Variants in FAM167A observed in about 807,000 individuals in gnomAD.
FAM167A encodes family with sequence similarity 167 member A.
A neutral mutation model predicts 14.9 loss-of-function variants in FAM167A; 23 were observed. The ratio of observed to expected loss-of-function variants is 1.55; its 90% CI spans 1.11 to 2.19. The LOEUF is 2.19. Among genes scored for constraint, FAM167A ranks in the 30% most tolerant of loss-of-function variants. The probability of loss-of-function intolerance (pLI) is 0.00; values close to 1 mark genes in which losing one functional copy is unlikely to be tolerated. For missense variants in FAM167A, 401 were observed against 281.5 expected (o/e 1.42, Z -3.04); for synonymous variants, 174 against 117.7 (o/e 1.48, Z -3.10).
At position 11,450,386 on chromosome 8, in the gene FAM167A, G is replaced by A. The variant is rs114518993; in HGVS notation, c.-397-5578C>T. On this transcript the variant is annotated intron_variant, in intron 1 of 2. Transcript: ENST00000284486. Reference sequence around the variant, plus strand: ...ATTAACACATTTAATCCTCACAACAGCCCTATGAATCTGGGGTATCATCAT... The same window carrying A: ...ATTAACACATTTAATCCTCACAACAACCCTATGAATCTGGGGTATCATCAT... Among the ~76,000 whole-genome samples, 290 of 152,326 alleles carry A rather than the reference G, an allele frequency of 1.9e-3. 2 individuals carry two copies. The highest frequency in any genetic ancestry group is 6.7e-3 in the African/African-American group (278 of 41,570).
At chr8:11,430,531 A>C (rs28680779) in intron 2 of FAM167A, among the ~76,000 whole-genome samples, 25,030 of 152,276 alleles carry the variant, frequency 0.16, 2,243 homozygotes, top group Middle Eastern at 0.35. Flanking sequence ...TGCTATTTCA[A>C]ATAGGTGAAC....
intron 1 of FAM167A, among the ~76,000 whole-genome samples, chr8:11,464,788 C>T (rs894167376): frequency 1.3e-5 from 2 of 152,206 alleles, no homozygotes; most frequent in African/African-American, 4.8e-5. Flanking sequence ...GCCTAGAGAA[C>T]ACAGCAGCCA....
rs1327419327 is a variant in FAM167A at position 11,463,224 on chromosome 8, G to C, written c.-398+3402C>G. ...TATCAAACAAATAAACAAAATAGCA[G>C]CAGCCACACAACCAAATTTGGGAAG... On this transcript the variant is annotated intron_variant, in intron 1 of 2. Coordinates refer to ENST00000284486, the MANE Select transcript of FAM167A (RefSeq NM_053279.3). Among the ~76,000 whole-genome samples the C allele has an allele frequency of 2.0e-5, 3 of 152,240 alleles. No homozygotes were observed. In the East Asian group the frequency reaches 5.8e-4, roughly 29 times the overall value.
chr8:11,425,002 T>A (rs1047333005), intron 2 of FAM167A, among the ~76,000 whole-genome samples: 12 of 152,172 alleles, frequency 7.9e-5, no homozygotes, highest in Admixed American at 7.2e-4. Flanking sequence ...GGAGGATGGT[T>A]GCCTCTAGGT....
At chr8:11,457,414 C>A (rs1009468347) in intron 1 of FAM167A, among the ~76,000 whole-genome samples, 2 of 151,904 alleles carry the variant, frequency 1.3e-5, no homozygotes, top group Non-Finnish European at 2.9e-5. Context: ...TCTGCTTGAA[C>A]CTCATCTCCA....
At chr8:11,447,582 G>A (rs1225005233) in intron 1 of FAM167A, among the ~76,000 whole-genome samples, 1 of 152,228 alleles carries the variant, frequency 6.6e-6, no homozygotes, top group Admixed American at 6.5e-5. Flanking sequence ...AGCCCCCAGA[G>A]GCAGGCGGGA....
At chr8:11,438,755 G>A (rs1177058744) in intron 2 of FAM167A, 1 of 348,032 alleles carries the variant, frequency 2.9e-6, no homozygotes, top group South Asian at 2.3e-5. Context: ...CTCCTGCAGG[G>A]CTGGTGCCAG....
chr8:11,449,985 C>A (rs762843995), intron 1 of FAM167A, among the ~76,000 whole-genome samples: 1 of 152,238 alleles, frequency 6.6e-6, no homozygotes, highest in Non-Finnish European at 1.5e-5. Flanking sequence ...CCATCCCCTC[C>A]ACACCTCCTC....
chr8:11,421,728 G>C lies in FAM167A; in HGVS notation c.*2645C>G, dbSNP rs541684321. The C allele has an allele frequency of 7.5e-6, 3 of 399,024 alleles. No individual in the cohort carries two copies. Among genetic ancestry groups the C allele is most frequent in the Non-Finnish European group, 1.3e-5 (3 of 226,094 alleles). 24.7% of individuals were successfully genotyped at this position (399,024 alleles called of 1,614,324 possible). A position where few individuals can be genotyped will look rare whatever the true frequency, so the allele number is the denominator to read the frequency against. On this transcript the variant is annotated 3_prime_UTR_variant, in exon 3 of 3. Coordinates refer to ENST00000284486, the MANE Select transcript of FAM167A (RefSeq NM_053279.3). ...AGACATGACCACGCATGGCAGTGTC[G>C]GTGGAGAGTTTGCGTTTTACACCCA...
intron 2 of FAM167A, chr8:11,438,445 T>C (rs1321929174): frequency 4.4e-6 from 2 of 456,960 alleles, no homozygotes; most frequent in South Asian, 1.6e-5. Context: ...GGAGATTCTA[T>C]GCTACAGAAG....
chr8:11,426,514 T>C (rs775035900), intron 2 of FAM167A, among the ~76,000 whole-genome samples: 1 of 152,200 alleles, frequency 6.6e-6, no homozygotes, highest in African/African-American at 2.4e-5. Flanking sequence ...CCAAACCCAC[T>C]GTAAACCAAA....
chr8:11,426,097 T>A (rs1473248062), intron 2 of FAM167A, among the ~76,000 whole-genome samples: 1 of 152,220 alleles, frequency 6.6e-6, no homozygotes, highest in Non-Finnish European at 1.5e-5. Context: ...AACTGTCCTT[T>A]GTCTTAAGCA....
At position 11,444,159 on chromosome 8, in the gene FAM167A, G is replaced by T; in HGVS notation, c.253C>A (p.Leu85Met). Residue 85 changes from leucine (L) to methionine (M), a missense_variant, in exon 2 of 3, where the codon CTG (leucine) becomes ATG (methionine). Transcript: ENST00000284486. ...GGGGGGTGCTGCCCAGCCTCTCTCA[G>T]GGGGAGCAAGGGCTCCTGCCCCCCA... is the stretch of plus-strand genomic sequence containing the variant. ...ERGGQEPLLPLREAGQHPPSA... is the reference protein window; with the variant it reads ...ERGGQEPLLPMREAGQHPPSA... The T allele has an allele frequency of 1.9e-6, 3 of 1,613,020 alleles. No individual in the cohort carries two copies. The highest frequency in any genetic ancestry group is 2.5e-6 in the Non-Finnish European group (3 of 1,179,802).
chr8:11,451,966 CTGAAA>C (rs1807042873), intron 1 of FAM167A, among the ~76,000 whole-genome samples: 1 of 152,196 alleles, frequency 6.6e-6, no homozygotes, highest in Non-Finnish European at 1.5e-5. Flanking sequence ...AGAGCTGTAA[CTGAAA>C]TGAGACAGGA....
chr8:11,425,013 GAGA>G (rs1477549207), intron 2 of FAM167A, among the ~76,000 whole-genome samples: 22 of 152,332 alleles, frequency 1.4e-4, no homozygotes, highest in Admixed American at 3.3e-4. Context: ...GCCTCTAGGT[GAGA>G]AGGAGGGACT....
At position 11,464,343 on chromosome 8, in the gene FAM167A, G is replaced by C. The variant is rs116301870; in HGVS notation, c.-398+2283C>G. ...CCTACCTGACTCATCCTGGCAACAC[G>C]GCCCTCGGTGGCAGCTCAGACTCTA... On this transcript the variant is annotated intron_variant, in intron 1 of 2. Transcript: ENST00000284486. Among the ~76,000 whole-genome samples the C allele has an allele frequency of 5.5e-3, 841 of 152,242 alleles. 10 individuals carry two copies. The highest frequency in any genetic ancestry group is 0.017 in the African/African-American group (715 of 41,520).
In FAM167A at chr8:11,444,790, G is replaced by C. The variant is rs1563377111; in HGVS notation, c.-379C>G. The C allele has an allele frequency of 9.9e-7, 1 of 1,009,532 alleles. No individual in the cohort carries two copies. The highest frequency in any genetic ancestry group is 1.7e-5 in the African/African-American group (1 of 57,994). The allele number at this position is 1,009,532 out of a possible 1,614,324, so 62.5% of individuals were successfully genotyped here. On this transcript the variant is annotated 5_prime_UTR_variant, in exon 2 of 3. Transcript: ENST00000284486. The stretch of plus-strand genomic sequence containing the variant: ...GCCCAGAGCTCTCTCTTCTCGGGAA[G>C]GGCAGGTGGCTGGAGACCCTGTGGG...
chr8:11,449,633 G>A (rs567915710), intron 1 of FAM167A, among the ~76,000 whole-genome samples: 9 of 152,214 alleles, frequency 5.9e-5, no homozygotes, highest in Non-Finnish European at 8.8e-5. Context: ...ATCCCACCAG[G>A]CCCAGGCACG....
chr8:11,423,127 TGA>T lies in FAM167A; in HGVS notation c.*1244_*1245del, dbSNP rs1456523056. 6.6e-6 allele frequency: 1 copy of T among 152,470 alleles called. No homozygotes were observed. The highest frequency in any genetic ancestry group is 1.9e-4 in the East Asian group (1 of 5,200). 9.4% of individuals were successfully genotyped at this position (152,470 alleles called of 1,614,324 possible). A position where few individuals can be genotyped will look rare whatever the true frequency, so the allele number is the denominator to read the frequency against. On this transcript the variant is annotated 3_prime_UTR_variant, in exon 3 of 3. Coordinates refer to ENST00000284486, the MANE Select transcript of FAM167A (RefSeq NM_053279.3). The stretch of plus-strand genomic sequence containing the variant: ...AGGTTTCACTTTGCTCCTTTACTAA[TGA>T]GAGGACTCGACTAGATGACACCAAA...
Sources: allele counts gnomAD v4.1 joint callset (sites outside exome capture counted in the v4.1 genomes callset), GRCh38; gene constraint gnomAD v4.1.1; transcripts MANE v1.5; gene names NCBI Gene and HGNC (gene_info 2026-07-23, HGNC 2026-07-21).